LRRC3C: variants seen among roughly 807,000 people sequenced by gnomAD.
LRRC3C encodes leucine rich repeat containing 3C, also known as leucine-rich repeat-containing protein 3C.
LRRC3C carries 11 observed loss-of-function variants against 14.8 expected under a neutral mutation model. The observed-to-expected ratio is 0.74, with a 90% CI of 0.47 to 1.23. The LOEUF (loss-of-function observed/expected upper bound fraction) is 1.23, where lower values mean the gene tolerates loss of function less well. Ranked by LOEUF, LRRC3C falls within the 50% of genes most tolerant of loss-of-function variation. The probability of loss-of-function intolerance (pLI) is 0.00; values close to 1 mark genes in which losing one functional copy is unlikely to be tolerated. For synonymous variants in LRRC3C, 149 were observed against 161.5 expected (o/e 0.92, Z 0.59); for missense variants, 354 against 361.8 (o/e 0.98, Z 0.18).
chr17:39,933,732 C>CA (rs927095241), intron 1 of LRRC3C, among the ~76,000 whole-genome samples: 31 of 150,506 alleles, frequency 2.1e-4, no homozygotes, highest in East Asian at 9.8e-4. Context: ...GACTCCGTCT[C>CA]AAAAAAAAAG....
chr17:39,938,296 G>A (rs926855726), intron 2 of LRRC3C, among the ~76,000 whole-genome samples: 2 of 152,164 alleles, frequency 1.3e-5, no homozygotes, highest in South Asian at 2.1e-4. Flanking sequence ...GCAGTTGCTG[G>A]TGTTGGTTGA....
chr17:39,944,169 C>T lies in LRRC3C; in HGVS notation c.263C>T (p.Ala88Val). Reference protein sequence around the residue: ...PNDTRKLYLDANQLASVPAGA... With the variant: ...PNDTRKLYLDVNQLASVPAGA... The stretch of plus-strand genomic sequence containing the variant: ...GACACCCGCAAGCTCTACCTGGATG[C>T]CAACCAGCTGGCATCGGTGCCTGCT... Residue 88 changes from alanine to valine, a missense_variant, in exon 4 of 4, where the codon GCC becomes GTC. Physicochemically the swap from Ala to Val is moderately conservative, Grantham distance 64. Coordinates refer to ENST00000377924, the MANE Select transcript of LRRC3C (RefSeq NM_001195545.2). 2 of 1,536,268 alleles carry T rather than the reference C, an allele frequency of 1.3e-6. No individual in the cohort carries two copies. The highest frequency in any genetic ancestry group is 1.2e-5 in the South Asian group (1 of 84,064).
At position 39,944,229 on chromosome 17, in the gene LRRC3C, TG is replaced by T. The variant is rs1452480449; in HGVS notation, c.325del (p.Asp109IlefsTer47). 3.3e-6 allele frequency: 5 copies of T among 1,535,768 alleles called. No individual in the cohort carries two copies. Among genetic ancestry groups the T allele is most frequent in the Non-Finnish European group, 4.4e-6 (5 of 1,146,776 alleles). On this transcript the variant is annotated frameshift_variant, in exon 4 of 4. Coordinates refer to ENST00000377924, the MANE Select transcript of LRRC3C (RefSeq NM_001195545.2). LOFTEE classifies it high-confidence loss of function. ...CAGCACCTGCCTGTCCTGGAGGAGT[TG>T]GATCTGTCCCATAATGCCCTTGCCC... ...AFQHLPVLEE[L>X]DLSHNALAHL...
At position 39,944,779 on chromosome 17, in the gene LRRC3C, A is replaced by G. The variant is rs1979045849; in HGVS notation, c.*45A>G. ...AGCCACACCCCACACTCCTGCCCCT[A>G]TGCCCTCTCCTTTGCTCTGACCCCC... On this transcript the variant is annotated 3_prime_UTR_variant, in exon 4 of 4. Transcript: ENST00000377924. 2.0e-6 allele frequency: 3 copies of G among 1,514,672 alleles called. No individual in the cohort carries two copies. Among genetic ancestry groups the G allele is most frequent in the Non-Finnish European group, 2.7e-6 (3 of 1,130,436 alleles). The allele number at this position is 1,514,672 out of a possible 1,614,324, so 93.8% of individuals were successfully genotyped here. A position where few individuals can be genotyped will look rare whatever the true frequency, so the allele number is the denominator to read the frequency against.
chr17:39,943,832 C>A, intron 3 of LRRC3C, 101 bp from the exon 4 acceptor site: 1 of 1,178,630 alleles, frequency 8.5e-7, no homozygotes, highest in Non-Finnish European at 1.2e-6. Flanking sequence ...AGGCCCCAGC[C>A]CAAAAAGACT....
chr17:39,936,277 C>T (rs1050049873), intron 2 of LRRC3C, among the ~76,000 whole-genome samples: 3 of 152,202 alleles, frequency 2.0e-5, no homozygotes, highest in Non-Finnish European at 4.4e-5. Context: ...GGATGTGCCC[C>T]GTGGCATAAA....
intron 1 of LRRC3C, among the ~76,000 whole-genome samples, chr17:39,932,975 C>A (rs1435083068): frequency 2.6e-5 from 4 of 151,950 alleles, no homozygotes; most frequent in African/African-American, 9.7e-5. Flanking sequence ...TTGCTTGAAC[C>A]CGGGAGGCGG....
chr17:39,944,472 C>T lies in LRRC3C; in HGVS notation c.566C>T (p.Ser189Leu), dbSNP rs1013270696. The change falls in exon 4 of 4, where the codon TCA (serine) becomes TTA (leucine). Residue 189 changes from serine (S) to leucine (L), a missense_variant. Transcript: ENST00000377924. ...ACTGGGACAGGCATCGTGTGTGGCT[C>T]AGGAGCCCGACCGGACCTCGTGGGG... ...PGTGTGIVCGSGARPDLVGQE... is the reference protein window; with the variant it reads ...PGTGTGIVCGLGARPDLVGQE... 17 of 1,486,848 alleles carry T rather than the reference C, an allele frequency of 1.1e-5. No individual in the cohort carries two copies. In the African/African-American group the frequency reaches 1.7e-4, roughly 15 times the overall value. The allele number at this position is 1,486,848 out of a possible 1,614,324, so 92.1% of individuals were successfully genotyped here.
intron 2 of LRRC3C, among the ~76,000 whole-genome samples, chr17:39,936,585 T>C (rs904637252): frequency 6.6e-6 from 1 of 151,552 alleles, no homozygotes; most frequent in African/African-American, 2.4e-5. Context: ...GGTGGATCAC[T>C]TGAACCCAGG....
At chr17:39,943,791 C>A in intron 3 of LRRC3C, 142 bp from the exon 4 acceptor site, 1 of 722,104 alleles carries the variant, frequency 1.4e-6, no homozygotes, top group Non-Finnish European at 2.2e-6. Context: ...GTGAAAAAGT[C>A]ACCCAGGCTT....
chr17:39,940,638 C>T (rs952308621), intron 2 of LRRC3C, among the ~76,000 whole-genome samples: 20 of 150,364 alleles, frequency 1.3e-4, no homozygotes, highest in Non-Finnish European at 1.0e-4. Context: ...TCTGGAGAGA[C>T]GAGGTTTCAC....
At chr17:39,932,014 G>A (rs754591313) in intron 1 of LRRC3C, among the ~76,000 whole-genome samples, 6 of 152,012 alleles carry the variant, frequency 3.9e-5, no homozygotes, top group East Asian at 1.9e-4. Context: ...CTGCATATAC[G>A]TTAATGATTA....
chr17:39,942,410 T>A (rs888319173), intron 3 of LRRC3C, among the ~76,000 whole-genome samples: 1 of 152,178 alleles, frequency 6.6e-6, no homozygotes, highest in East Asian at 1.9e-4. Context: ...GAACAAGTCA[T>A]CCAAGCCATC....
intron 1 of LRRC3C, among the ~76,000 whole-genome samples, chr17:39,934,298 T>C (rs1978737927): frequency 6.6e-6 from 1 of 152,190 alleles, no homozygotes; most frequent in Non-Finnish European, 1.5e-5. Flanking sequence ...CAAAAGCAGT[T>C]AGAAAACTGA....
chr17:39,930,708 C>CAA (rs71300058), intron 1 of LRRC3C, among the ~76,000 whole-genome samples: 2,621 of 69,014 alleles, frequency 0.038, 280 homozygotes, highest in African/African-American at 0.12. Context: ...GGCTCTGTCT[C>CAA]AAAAAAAAAA....
intron 2 of LRRC3C, among the ~76,000 whole-genome samples, chr17:39,936,786 C>T (rs972469297): frequency 1.3e-5 from 2 of 151,596 alleles, no homozygotes; most frequent in African/African-American, 4.9e-5. Flanking sequence ...CACTGCACTC[C>T]AGGCTGGGAG....
intron 1 of LRRC3C, among the ~76,000 whole-genome samples, chr17:39,932,275 G>A (rs941866343): frequency 1.3e-5 from 2 of 152,228 alleles, no homozygotes; most frequent in African/African-American, 4.8e-5. Flanking sequence ...GTCAGTAAAT[G>A]TGAAATGAAA....
In LRRC3C at chr17:39,935,883, C is replaced by T; in HGVS notation, c.-93C>T. 1.0e-6 allele frequency: 1 copy of T among 985,374 alleles called. No individual in the cohort carries two copies. Among genetic ancestry groups the T allele is most frequent in the Non-Finnish European group, 1.2e-6 (1 of 829,868 alleles). The allele number at this position is 985,374 out of a possible 1,614,324, so 61.0% of individuals were successfully genotyped here. On this transcript the variant is annotated 5_prime_UTR_variant, in exon 2 of 4. Transcript: ENST00000377924. ...GGCATTAGACGGGTCCCTGGCTGAC[C>T]TGATAAAGAAGGTAGCCCTTCCTTA...
chr17:39,943,891 C>T lies in LRRC3C; in HGVS notation c.27-42C>T, dbSNP rs77963392. ...AAAGCTGGCAGTGGGGCATGCGATT[C>T]TCTTGACTCACTCCTCCTTTATGTG... On this transcript the variant is annotated intron_variant, in intron 3 of 3. Coordinates refer to ENST00000377924, the MANE Select transcript of LRRC3C (RefSeq NM_001195545.2). The T allele has an allele frequency of 6.1e-3, 9,268 of 1,528,848 alleles. 43 individuals carry two copies. The highest frequency in any genetic ancestry group is 6.9e-3 in the Non-Finnish European group (7,901 of 1,140,568). 94.7% of individuals were successfully genotyped at this position (1,528,848 alleles called of 1,614,324 possible).
Sources: allele counts gnomAD v4.1 joint callset (sites outside exome capture counted in the v4.1 genomes callset), GRCh38; gene constraint gnomAD v4.1.1; transcripts MANE v1.5; gene names NCBI Gene and HGNC (gene_info 2026-07-23, HGNC 2026-07-21).